Variants in SGCD observed in about 807,000 individuals in gnomAD.
SGCD encodes delta-sarcoglycan.
SGCD carries 18 observed loss-of-function variants against 36.6 expected under a neutral mutation model. That is an observed-to-expected ratio of 0.49 (90% CI 0.34 to 0.73). The LOEUF (loss-of-function observed/expected upper bound fraction) is 0.73. SGCD is among the 30% of genes least tolerant of loss of function. The pLI is 0.01. For missense variants in SGCD, 387 were observed against 346.7 expected (o/e 1.12, Z -0.92); for synonymous variants, 133 against 130.6 (o/e 1.02, Z -0.12).
chr5:156,341,870 C>T (rs1225571035), intron 2 of SGCD, among the ~76,000 whole-genome samples: 1 of 152,144 alleles, frequency 6.6e-6, no homozygotes, highest in Non-Finnish European at 1.5e-5. Flanking sequence ...TGCCACCATG[C>T]CCAGCTAATT....
intron 3 of SGCD, among the ~76,000 whole-genome samples, chr5:156,231,037 G>A (rs1404955168): frequency 6.6e-6 from 1 of 152,066 alleles, no homozygotes; most frequent in Non-Finnish European, 1.5e-5. Flanking sequence ...AAAAGGGAAG[G>A]CATAGAAAAA....
At chr5:155,817,736 A>G in the SGCD span, among the ~76,000 whole-genome samples, 1 of 152,156 alleles carries the variant, frequency 6.6e-6, no homozygotes, top group South Asian at 2.1e-4. Context: ...GTCTGAGCAT[A>G]TCTTAATACA....
intron 3 of SGCD, among the ~76,000 whole-genome samples, chr5:156,425,719 G>A (rs1773643428): frequency 6.6e-6 from 1 of 151,688 alleles, no homozygotes; most frequent in Non-Finnish European, 1.5e-5. Context: ...ACGAACTCAC[G>A]CTTCCCCCCG....
intron 5 of SGCD, among the ~76,000 whole-genome samples, chr5:156,592,053 G>A (rs1396110333): frequency 6.6e-6 from 1 of 152,146 alleles, no homozygotes; most frequent in East Asian, 1.9e-4. Flanking sequence ...GATTGCTGAA[G>A]CATACTTTCT....
intron 3 of SGCD, among the ~76,000 whole-genome samples, chr5:156,494,174 G>A (rs1756071879): frequency 6.6e-6 from 1 of 152,078 alleles, no homozygotes; most frequent in Admixed American, 6.6e-5. Flanking sequence ...CAGTGTTCCA[G>A]GCACCACATG....
At chr5:156,086,298 G>T (rs904397288) in intron 1 of SGCD, among the ~76,000 whole-genome samples, 2 of 152,126 alleles carry the variant, frequency 1.3e-5, no homozygotes, top group Non-Finnish European at 2.9e-5. Flanking sequence ...CTTCCTTCCT[G>T]ATACTTCTGT....
chr5:155,941,492 T>C (rs1334044703), intron 1 of SGCD, among the ~76,000 whole-genome samples: 2 of 151,200 alleles, frequency 1.3e-5, no homozygotes, highest in Non-Finnish European at 2.9e-5. Context: ...ATATTGCTAT[T>C]AATAATATTG....
chr5:155,989,033 G>C (rs1190291721), intron 1 of SGCD, among the ~76,000 whole-genome samples: 1 of 152,128 alleles, frequency 6.6e-6, no homozygotes, highest in Non-Finnish European at 1.5e-5. Flanking sequence ...TGTCTGCCAG[G>C]ATGCTCCTTT....
intron 3 of SGCD, among the ~76,000 whole-genome samples, chr5:156,318,958 G>C (rs1767591365): frequency 6.6e-6 from 1 of 152,140 alleles, no homozygotes. Context: ...TTGAGTTGGA[G>C]TCTGATATGC....
the SGCD span, among the ~76,000 whole-genome samples, chr5:155,842,477 G>A: frequency 2.0e-5 from 3 of 152,034 alleles, no homozygotes; most frequent in African/African-American, 7.2e-5. Context: ...GGAGGCTGAG[G>A]CAGGAGAGTT....
chr5:156,247,435 TAG>T (rs1765465811), intron 3 of SGCD, among the ~76,000 whole-genome samples: 1 of 152,156 alleles, frequency 6.6e-6, no homozygotes, highest in Non-Finnish European at 1.5e-5. Context: ...GTCTACTACA[TAG>T]AAATTATTTT....
At chr5:155,888,086 C>T (rs929794034) in intron 1 of SGCD, among the ~76,000 whole-genome samples, 1 of 152,196 alleles carries the variant, frequency 6.6e-6, no homozygotes, top group Non-Finnish European at 1.5e-5. Flanking sequence ...ATTCTGCAAC[C>T]AAATTCAGTC....
chr5:156,488,455 A>C (rs1755800956), intron 3 of SGCD, among the ~76,000 whole-genome samples: 1 of 152,098 alleles, frequency 6.6e-6, no homozygotes, highest in African/African-American at 2.4e-5. Context: ...ACTAACAGAG[A>C]TTTCTCCATA....
chr5:156,028,276 A>G (rs1021690442), intron 1 of SGCD, among the ~76,000 whole-genome samples: 11 of 152,170 alleles, frequency 7.2e-5, no homozygotes, highest in African/African-American at 1.2e-4. Context: ...ACATGACTCT[A>G]TGATTCTTTT....
At position 156,058,407 on chromosome 5, in the gene SGCD, T is replaced by C. The variant is rs1001998370; in HGVS notation, c.-281-59471T>C. 4.1e-5 allele frequency among the ~76,000 whole-genome samples: 6 copies of C among 146,332 alleles called. 2 individuals carry two copies. Among genetic ancestry groups the C allele is most frequent in the African/African-American group, 1.5e-4 (6 of 40,710 alleles). On this transcript the variant is annotated intron_variant, in intron 1 of 9. Transcript: ENST00000517913. ...AAACCAATGATCCTTAAACTTTATT[T>C]AATGTGCATGTGAATCATCTGGGAT...
chr5:155,917,626 GC>G (rs990196922), intron 1 of SGCD, among the ~76,000 whole-genome samples: 1 of 152,054 alleles, frequency 6.6e-6, no homozygotes, highest in African/African-American at 2.4e-5. Context: ...TAGAAAGTAG[GC>G]TTTTTCCTGG....
chr5:156,237,278 T>C (rs1765190345), intron 3 of SGCD, among the ~76,000 whole-genome samples: 1 of 152,206 alleles, frequency 6.6e-6, no homozygotes, highest in Admixed American at 6.5e-5. Flanking sequence ...TTTTTCTCCT[T>C]GCACCTTATT....
intron 3 of SGCD, among the ~76,000 whole-genome samples, chr5:156,176,119 T>TTG (rs34739506): frequency 3.0e-4 from 46 of 150,830 alleles, no homozygotes; most frequent in Admixed American, 6.6e-4. Flanking sequence ...CTAATATACT[T>TTG]TGTGTGTGTG....
upstream of SGCD, among the ~76,000 whole-genome samples, chr5:156,323,976 A>T (rs1767741326): frequency 6.6e-6 from 1 of 152,232 alleles, no homozygotes; most frequent in South Asian, 2.1e-4. Flanking sequence ...ATTATCACAC[A>T]TTATTTCACG....
Sources: allele counts gnomAD v4.1 joint callset (sites outside exome capture counted in the v4.1 genomes callset), GRCh38; gene constraint gnomAD v4.1.1; transcripts MANE v1.5; gene names NCBI Gene and HGNC (gene_info 2026-07-23, HGNC 2026-07-21).